Variants in MICAL1 observed in about 807,000 individuals in gnomAD.
MICAL1 encodes microtubule associated monooxygenase, calponin and LIM domain containing 1.
A neutral mutation model predicts 131.8 loss-of-function variants in MICAL1; 95 were observed. That is an observed-to-expected ratio of 0.72 (90% CI 0.61 to 0.86). The LOEUF is 0.86. Among genes scored for constraint, MICAL1 ranks in the 40% least tolerant of loss-of-function variants. The pLI is 0.00. For synonymous variants in MICAL1, 546 were observed against 554.2 expected (o/e 0.99, Z 0.21); for missense variants, 1,292 against 1,380.6 (o/e 0.94, Z 1.02).
chr6:109,452,130 CA>C, intron 6 of MICAL1, 115 bp downstream of exon 6: 10 of 1,478,066 alleles, frequency 6.8e-6, no homozygotes, highest in East Asian at 2.3e-5. Context: ...CTGCTGAGAC[CA>C]AAAAAACAGA....
chr6:109,464,921 A>T (rs1480573935), intron 1 of MICAL1: 1 of 152,248 alleles, frequency 6.6e-6, no homozygotes, highest in Non-Finnish European at 1.5e-5. Flanking sequence ...ACGTAGATCA[A>T]CATTTTCAGG....
At chr6:109,448,442 C>T in intron 12 of MICAL1, 49 bp from the exon 13 acceptor site, 1 of 1,597,732 alleles carries the variant, frequency 6.3e-7, no homozygotes. Flanking sequence ...AACCTAGCCC[C>T]ACTGAGGGGA....
At chr6:109,458,313 A>T (rs958982189), upstream of MICAL1, among the ~76,000 whole-genome samples, 10 of 152,228 alleles carry the variant, frequency 6.6e-5, no homozygotes, top group Admixed American at 6.5e-4. Context: ...TCCCATTCTA[A>T]GGCTGGGCAC....
chr6:109,446,859 A>G, intron 17 of MICAL1, 87 bp from the exon 18 acceptor site: 1 of 1,377,760 alleles, frequency 7.3e-7, no homozygotes, highest in Non-Finnish European at 1.0e-6. Context: ...AGGTGGGGAA[A>G]ACAAGACAGA....
At chr6:109,465,842 G>A (rs1776022962) in exon 1 of MICAL1, 1 of 1,614,050 alleles carries the variant, frequency 6.2e-7, no homozygotes, top group African/African-American at 1.3e-5. Context: ...AGTCAAACGT[G>A]TTTACAGGTC....
Position 109,446,396 on chromosome 6 carries a change from C to T in MICAL1, c.2321G>A (p.Ser774Asn). The T allele has an allele frequency of 6.2e-7, 1 of 1,614,128 alleles. No homozygotes were observed. The highest frequency in any genetic ancestry group is 8.5e-7 in the Non-Finnish European group (1 of 1,180,020). ...GPESPELPTP[S>N]ENSMPPGLST... is the part of the protein sequence containing the mutation. ...GAGGCCTGGTGGCATGCTATTCTCA[C>T]TTGGTGTGGGGAGCTCCTGGAAAAG... The change falls in exon 19 of 25, where the codon AGT becomes AAT. Residue 774 changes from serine (S) to asparagine (N), a missense_variant. Ser to Asn is a conservative substitution (Grantham distance 46, BLOSUM62 1). Transcript: ENST00000358807.
In MICAL1 at chr6:109,451,689, C is replaced by A; in HGVS notation, c.844G>T (p.Glu282Ter). 2 of 1,613,988 alleles carry A rather than the reference C, an allele frequency of 1.2e-6. No homozygotes were observed. The highest frequency in any genetic ancestry group is 8.5e-7 in the Non-Finnish European group (1 of 1,179,950). ...SLLKATGIDL[E>*]NIVYYKDDTH... ...TCGTCCTTGTAGTACACAATGTTCT[C>A]CAGATCAATGCCTGGGGGTACAGGG... Residue 282 changes from glutamate (E) to a stop codon, truncating the protein, a stop_gained, in exon 7 of 25, where the codon GAG (glutamate) becomes TAG (stop). Transcript: ENST00000358807. LOFTEE classifies it high-confidence loss of function.
chr6:109,453,806 C>T lies in MICAL1; in HGVS notation c.298G>A (p.Ala100Thr), dbSNP rs766624792. 2.6e-5 allele frequency: 42 copies of T among 1,613,612 alleles called. No homozygotes were observed. The highest frequency in any genetic ancestry group is 3.0e-5 in the Non-Finnish European group (35 of 1,180,016). Residue 100 changes from alanine to threonine, a missense_variant, in exon 3 of 25, where the codon GCT becomes ACT. By Grantham distance (58) the Ala-to-Thr change is moderately conservative. Coordinates refer to ENST00000358807, the MANE Select transcript of MICAL1 (RefSeq NM_022765.4). The stretch of plus-strand genomic sequence containing the variant: ...GCCCCCAGCAGCGCCAGCTCCACAG[C>T]GACCCGCAGCCCGCAAGGTCCAGCA... ...VGAGPCGLRVAVELALLGARV... is the reference protein window; with the variant it reads ...VGAGPCGLRVTVELALLGARV...
chr6:109,453,446 G>A (rs1332376262), intron 3 of MICAL1, 79 bp from the exon 4 acceptor site: 4 of 1,543,894 alleles, frequency 2.6e-6, no homozygotes, highest in Non-Finnish European at 3.5e-6. Flanking sequence ...CCTGGTCAGG[G>A]TCAGACTGGA....
rs764827532 is a variant in MICAL1, at chr6:109,449,417, G to C, written c.1499C>G (p.Thr500Arg). The C allele has an allele frequency of 2.5e-6, 4 of 1,614,196 alleles. No individual in the cohort carries two copies. The highest frequency in any genetic ancestry group is 3.4e-6 in the Non-Finnish European group (4 of 1,180,042). ...PVQRNNDKTD[T>R]GMPATGSAGT... ...CTGCTCACCGGTGGCTGGCATCCCT[G>C]TATCTGTCTTGTCGTTGTTCCTCTG... The change falls in exon 11 of 25, where the codon ACA (threonine) becomes AGA (arginine). Residue 500 changes from threonine (T) to arginine (R), a missense_variant. By Grantham distance (71) the Thr-to-Arg change is moderately conservative (BLOSUM62 -1). Transcript: ENST00000358807.
intron 1 of MICAL1, among the ~76,000 whole-genome samples, chr6:109,460,780 A>G (rs1775868181): frequency 6.6e-6 from 1 of 152,184 alleles, no homozygotes; most frequent in East Asian, 1.9e-4. Flanking sequence ...AAGTTTAGAA[A>G]CTGAAAATGA....
intron 1 of MICAL1, chr6:109,454,767 C>G (rs1202722828): frequency 2.6e-5 from 4 of 153,752 alleles, no homozygotes; most frequent in African/African-American, 9.6e-5. Flanking sequence ...TGTCTCATGG[C>G]AAGGGCAAAG....
chr6:109,456,810 A>G (rs1048690534), upstream of MICAL1, among the ~76,000 whole-genome samples: 1 of 152,238 alleles, frequency 6.6e-6, no homozygotes, highest in African/African-American at 2.4e-5. Context: ...TTTACCAAAA[A>G]GGAAACTGAG....
Position 109,445,546 on chromosome 6 carries a change from C to G in MICAL1, c.2674-17G>C. ...CTGCAGGGCCTATAGGAGGGTCAGG[C>G]CAGTCAGGGATAGGGCCTGGGCCCC... On this transcript the variant is annotated splice_polypyrimidine_tract_variant and intron_variant, in intron 20 of 24. Transcript: ENST00000358807. The G allele has an allele frequency of 6.2e-7, 1 of 1,613,336 alleles. No individual in the cohort carries two copies. The highest frequency in any genetic ancestry group is 2.2e-5 in the East Asian group (1 of 44,868).
rs747705167 is a variant in MICAL1, at chr6:109,448,818, C to T, written c.1578G>A (p.Pro526=). The change falls in exon 12 of 25, where the codon CCG becomes CCA. Residue 526 remains proline, a synonymous_variant. Transcript: ENST00000358807. ...RWCQEQTAGY[P]GVHVSDLSSS... ...AAGACAAATCGGAGACGTGGACTCC[C>T]GGGTACCCAGCTGTCTGCTCCTGGC... 8.7e-6 allele frequency: 14 copies of T among 1,613,922 alleles called. No homozygotes were observed. Among genetic ancestry groups the T allele is most frequent in the South Asian group, 6.6e-5 (6 of 91,084 alleles).
intron 7 of MICAL1, 67 bp from the exon 8 acceptor site, chr6:109,450,624 C>A: frequency 6.6e-7 from 1 of 1,514,106 alleles, no homozygotes; most frequent in East Asian, 2.4e-5. Context: ...AGTGCCACCC[C>A]CTTGGGCGCA....
chr6:109,456,098 T>C (rs554298954), upstream of MICAL1: 3 of 881,140 alleles, frequency 3.4e-6, no homozygotes, highest in South Asian at 1.0e-4. Flanking sequence ...AGCTCGAGGG[T>C]CAGGGCGCCC....
At chr6:109,456,557 G>A (rs1275438121), upstream of MICAL1, among the ~76,000 whole-genome samples, 2 of 152,188 alleles carry the variant, frequency 1.3e-5, no homozygotes, top group Non-Finnish European at 2.9e-5. Context: ...AATGGGAGGG[G>A]TGTGTGGAAG....
rs775909074 is a variant in MICAL1 at position 109,465,897 on chromosome 6, G to A, written c.-220C>T. On this transcript the variant is annotated 5_prime_UTR_variant, in exon 1 of 25. Coordinates refer to the MICAL1 transcript ENST00000630715. ...TGGCGTTGGCTGGGGCACGTGGTGAGTGGGTGGTGGCGGACCAGGCTCCTG... is the reference window on the plus strand; with the variant it reads ...TGGCGTTGGCTGGGGCACGTGGTGAATGGGTGGTGGCGGACCAGGCTCCTG... 3.1e-6 allele frequency: 5 copies of A among 1,614,212 alleles called. No homozygotes were observed. In the East Asian group the frequency reaches 1.1e-4, roughly 36 times the overall value.
Sources: gnomAD v4.1 joint callset for allele counts (sites outside exome capture counted in the v4.1 genomes callset) on GRCh38, gnomAD v4.1.1 for gene constraint, MANE v1.5 for transcripts, NCBI Gene and HGNC (gene_info 2026-07-23, HGNC 2026-07-21) for gene names.